The following BCL2L13 variants were observed in gnomAD, a reference collection of about 807,000 sequenced individuals.
BCL2L13 encodes bcl-2-like protein 13.
A neutral mutation model predicts 25.8 loss-of-function variants in BCL2L13; 13 were observed. The observed-to-expected ratio is 0.50, with a 90% CI of 0.33 to 0.80. The LOEUF (loss-of-function observed/expected upper bound fraction) is 0.80. Ranked by LOEUF, BCL2L13 falls within the 30% of genes least tolerant of loss-of-function variation. The pLI is 0.02. For synonymous variants in BCL2L13, 244 were observed against 230.3 expected (o/e 1.06, Z -0.54); for missense variants, 504 against 574.9 (o/e 0.88, Z 1.26).
intron 3 of BCL2L13, among the ~76,000 whole-genome samples, chr22:17,688,640 C>T (rs978947634): frequency 6.6e-6 from 1 of 152,096 alleles, no homozygotes; most frequent in African/African-American, 2.4e-5. Flanking sequence ...TCAATGTTTA[C>T]GTGCCAACAA....
At chr22:17,696,255 A>C (rs1318859384) in intron 5 of BCL2L13, 45 bp downstream of exon 5, 2 of 1,479,364 alleles carry the variant, frequency 1.4e-6, no homozygotes, top group East Asian at 2.3e-5. Flanking sequence ...TTAGTGTGTT[A>C]ATGATAAGAC....
chr22:17,702,465 C>A, intron 6 of BCL2L13, 79 bp downstream of exon 6: 1 of 1,337,536 alleles, frequency 7.5e-7, no homozygotes, highest in Non-Finnish European at 9.8e-7. Context: ...TGGGTTCTTG[C>A]TGTGTTACCC....
At chr22:17,640,946 A>G (rs2058258766) in intron 1 of BCL2L13, among the ~76,000 whole-genome samples, 1 of 150,800 alleles carries the variant, frequency 6.6e-6, no homozygotes, top group South Asian at 2.1e-4. Context: ...GCTGGAGTGC[A>G]ATGACACGAT....
At chr22:17,679,686 G>T (rs568307838) in intron 2 of BCL2L13, among the ~76,000 whole-genome samples, 9 of 152,076 alleles carry the variant, frequency 5.9e-5, no homozygotes, top group Admixed American at 3.3e-4. Flanking sequence ...TGTAGGGAGA[G>T]CTTGAGCTTT....
intron 1 of BCL2L13, among the ~76,000 whole-genome samples, chr22:17,633,134 C>G (rs761815514): frequency 6.6e-6 from 1 of 152,188 alleles, no homozygotes; most frequent in South Asian, 2.1e-4. Flanking sequence ...CCATGCACCA[C>G]TACCCAAAAT....
intron 2 of BCL2L13, among the ~76,000 whole-genome samples, chr22:17,680,154 G>T (rs2059693982): frequency 6.9e-6 from 1 of 143,904 alleles, no homozygotes; most frequent in African/African-American, 2.6e-5. Flanking sequence ...GGCGGAGGTT[G>T]CAGTCAGCCG....
chr22:17,631,780 G>A (rs1477153929), intron 1 of BCL2L13, among the ~76,000 whole-genome samples: 1 of 134,858 alleles, frequency 7.4e-6, no homozygotes, highest in African/African-American at 2.8e-5. Flanking sequence ...GGAGTGCAGT[G>A]GCGCAGTCTC....
At chr22:17,631,313 C>G (rs2058009144) in intron 1 of BCL2L13, among the ~76,000 whole-genome samples, 1 of 151,662 alleles carries the variant, frequency 6.6e-6, no homozygotes, top group Non-Finnish European at 1.5e-5. Context: ...CCAGGCTGTT[C>G]TTGGAACTCC....
intron 1 of BCL2L13, among the ~76,000 whole-genome samples, chr22:17,642,570 C>T (rs537388360): frequency 6.6e-6 from 1 of 152,032 alleles, no homozygotes; most frequent in African/African-American, 2.4e-5. Flanking sequence ...TGTGGACATA[C>T]CACATTTTAA....
chr22:17,696,651 C>T (rs940184171), intron 5 of BCL2L13, among the ~76,000 whole-genome samples: 1 of 152,126 alleles, frequency 6.6e-6, no homozygotes, highest in African/African-American at 2.4e-5. Context: ...GCATCCCAAC[C>T]ATCCTTTGCA....
chr22:17,634,339 C>T (rs1353328681), upstream of BCL2L13, among the ~76,000 whole-genome samples: 3 of 151,998 alleles, frequency 2.0e-5, no homozygotes, highest in Admixed American at 6.6e-5. Context: ...GCATGAGCCA[C>T]CATGCCCGGC....
chr22:17,707,785 G>GGAGC (rs1327089306), intron 6 of BCL2L13, among the ~76,000 whole-genome samples: 10 of 152,136 alleles, frequency 6.6e-5, no homozygotes, highest in Non-Finnish European at 1.0e-4. Context: ...AGATGGAAAA[G>GGAGC]TTAAGTTCAT....
chr22:17,673,533 A>ATTTTT (rs34253686), intron 2 of BCL2L13, among the ~76,000 whole-genome samples: 1 of 131,074 alleles, frequency 7.6e-6, no homozygotes, highest in Non-Finnish European at 1.6e-5. Flanking sequence ...ATGCCTGGCA[A>ATTTTT]TTTTTTTTTT....
chr22:17,679,457 A>G (rs1430777004), intron 2 of BCL2L13, among the ~76,000 whole-genome samples: 2 of 151,382 alleles, frequency 1.3e-5, no homozygotes, highest in African/African-American at 4.9e-5. Context: ...TTTAGTAGAG[A>G]CGGGATTTCA....
intron 2 of BCL2L13, among the ~76,000 whole-genome samples, chr22:17,673,051 T>A (rs1601604556): frequency 6.6e-6 from 1 of 152,204 alleles, no homozygotes; most frequent in Non-Finnish European, 1.5e-5. Flanking sequence ...TCTAATGTTA[T>A]TTCTCTGTTA....
intron 1 of BCL2L13, among the ~76,000 whole-genome samples, chr22:17,642,397 G>A (rs1448435769): frequency 6.6e-6 from 1 of 150,812 alleles, no homozygotes; most frequent in Non-Finnish European, 1.5e-5. Context: ...GATCTCAGGT[G>A]ATCCACCTAC....
intron 4 of BCL2L13, among the ~76,000 whole-genome samples, chr22:17,695,156 C>T: frequency 6.6e-6 from 1 of 152,162 alleles, no homozygotes; most frequent in East Asian, 1.9e-4. Context: ...AAGTCTCTTC[C>T]TGCTTCAGCC....
upstream of BCL2L13, among the ~76,000 whole-genome samples, chr22:17,635,910 T>C (rs943435022): frequency 1.5e-4 from 22 of 150,096 alleles, no homozygotes; most frequent in East Asian, 6.2e-4. Context: ...GGGGTTTCAC[T>C]GTGTTGGCCA....
intron 1 of BCL2L13, among the ~76,000 whole-genome samples, chr22:17,639,718 T>C (rs114344718): frequency 0.033 from 5,000 of 152,262 alleles, 265 homozygotes; most frequent in African/African-American, 0.11. Flanking sequence ...TTTGTTGTTG[T>C]TGCGTAAAAC....
Sources: allele counts gnomAD v4.1 joint callset (sites outside exome capture counted in the v4.1 genomes callset), GRCh38; gene constraint gnomAD v4.1.1; transcripts MANE v1.5; gene names NCBI Gene and HGNC (gene_info 2026-07-23, HGNC 2026-07-21).